The following MACROD2 variants were observed in gnomAD, a reference collection of about 807,000 sequenced individuals.
MACROD2 encodes ADP-ribose glycohydrolase MACROD2.
In MACROD2, 36 loss-of-function variants were observed where a neutral mutation model predicts 70.4. The ratio of observed to expected loss-of-function variants is 0.51; its 90% CI spans 0.39 to 0.68. MACROD2 has a LOEUF of 0.68. Among genes scored for constraint, MACROD2 ranks in the 30% least tolerant of loss-of-function variants. MACROD2 has a pLI of 0.00. For synonymous variants in MACROD2, 172 were observed against 178.8 expected, an observed-to-expected ratio of 0.96 and a Z score of 0.30; for missense variants, 496 against 538.4, an observed-to-expected ratio of 0.92 and a Z score of 0.78.
Position 15,267,610 on chromosome 20 carries a change from A to G in MACROD2, c.540+37549A>G, listed in dbSNP as rs187073798. Among the ~76,000 whole-genome samples the G allele has an allele frequency of 1.9e-3, 295 of 152,314 alleles. 1 individual carries two copies. The highest frequency in any genetic ancestry group is 3.3e-3 in the Non-Finnish European group (224 of 68,020). ...CCAGCCTCTGACTCAACCCCCAGGT[A>G]GAGACCACTATCCTGTCACTCTCCT... On this transcript the variant is annotated intron_variant, in intron 6 of 17. Coordinates refer to ENST00000684519, the MANE Select transcript of MACROD2 (RefSeq NM_001351661.2).
At chr20:15,678,999 G>T (rs1183194897) in intron 8 of MACROD2, among the ~76,000 whole-genome samples, 1 of 152,148 alleles carries the variant, frequency 6.6e-6, no homozygotes, top group African/African-American at 2.4e-5. Context: ...CACTTTGGGA[G>T]GCTGAGGCAG....
intron 4 of MACROD2, among the ~76,000 whole-genome samples, chr20:14,651,440 C>G (rs531175478): frequency 6.6e-6 from 1 of 152,226 alleles, no homozygotes; most frequent in East Asian, 1.9e-4. Context: ...CACATCCTGG[C>G]TTTGACTGGA....
intron 9 of MACROD2, among the ~76,000 whole-genome samples, chr20:15,865,394 A>G (rs914310815): frequency 1.3e-5 from 2 of 152,124 alleles, no homozygotes; most frequent in African/African-American, 4.8e-5. Context: ...TAACATAACA[A>G]TAATGGTTAC....
intron 5 of MACROD2, among the ~76,000 whole-genome samples, chr20:15,109,976 A>C (rs896896374): frequency 6.6e-6 from 1 of 152,186 alleles, no homozygotes; most frequent in Non-Finnish European, 1.5e-5. Context: ...GGAGGGCAGA[A>C]ATAAATTATG....
At chr20:15,517,383 A>T (rs183254900) in intron 8 of MACROD2, among the ~76,000 whole-genome samples, 1 of 152,334 alleles carries the variant, frequency 6.6e-6, no homozygotes, top group Non-Finnish European at 1.5e-5. Context: ...CACACAAAGT[A>T]GACCTGCCCT....
chr20:14,887,283 T>C (rs1211647497), intron 5 of MACROD2, among the ~76,000 whole-genome samples: 2 of 152,034 alleles, frequency 1.3e-5, no homozygotes, highest in Non-Finnish European at 2.9e-5. Context: ...TCAAGAGCGG[T>C]ATAGTGAGTA....
intron 3 of MACROD2, among the ~76,000 whole-genome samples, chr20:14,441,663 G>GA (rs1461974011): frequency 6.6e-6 from 1 of 152,140 alleles, no homozygotes; most frequent in Non-Finnish European, 1.5e-5. Context: ...AGGAGCATCA[G>GA]AAATGACTAC....
At chr20:15,356,946 C>A (rs2078294272) in intron 6 of MACROD2, among the ~76,000 whole-genome samples, 1 of 152,100 alleles carries the variant, frequency 6.6e-6, no homozygotes, top group South Asian at 2.1e-4. Flanking sequence ...AAACTGAATT[C>A]AGAATATAAC....
At chr20:14,475,230 C>T (rs1381696365) in intron 3 of MACROD2, among the ~76,000 whole-genome samples, 2 of 151,996 alleles carry the variant, frequency 1.3e-5, no homozygotes, top group African/African-American at 4.8e-5. Flanking sequence ...AAAAGAATCA[C>T]ACAAAAAACC....
At chr20:14,969,003 T>C (rs780459747) in intron 5 of MACROD2, among the ~76,000 whole-genome samples, 9 of 152,154 alleles carry the variant, frequency 5.9e-5, no homozygotes, top group Non-Finnish European at 1.2e-4. Context: ...ATATGAACTG[T>C]GAGATGACTT....
intron 4 of MACROD2, among the ~76,000 whole-genome samples, chr20:14,578,316 G>T (rs1170350032): frequency 1.3e-5 from 2 of 151,876 alleles, no homozygotes; most frequent in African/African-American, 4.8e-5. Flanking sequence ...CAGTAGTCAG[G>T]TACAAGGAAG....
chr20:15,548,996 T>G (rs1234663680), intron 8 of MACROD2, among the ~76,000 whole-genome samples: 4 of 152,204 alleles, frequency 2.6e-5, no homozygotes, highest in Non-Finnish European at 5.9e-5. Flanking sequence ...CCAGCTGACT[T>G]CTTACTTCAT....
chr20:15,830,041 G>T (rs2064037751), intron 8 of MACROD2, among the ~76,000 whole-genome samples: 1 of 152,196 alleles, frequency 6.6e-6, no homozygotes. Flanking sequence ...CGGAGGACGG[G>T]TTTGAGGGGA....
rs113503976 is a variant in MACROD2, at chr20:15,838,933, C to T, written c.646-23812C>T. Among the ~76,000 whole-genome samples, 1,514 of 152,162 alleles carry T rather than the reference C, an allele frequency of 9.9e-3. 14 individuals carry two copies. The highest frequency in any genetic ancestry group is 0.019 in the African/African-American group (769 of 41,524). ...TGGAAAGCCCAGACAGTTTGGAGGA[C>T]GGCTTTGGGTACTCAACTCATACAT... On this transcript the variant is annotated intron_variant, in intron 8 of 17. Coordinates refer to ENST00000684519, the MANE Select transcript of MACROD2 (RefSeq NM_001351661.2).
intron 3 of MACROD2, among the ~76,000 whole-genome samples, chr20:14,117,854 A>T (rs2054534462): frequency 6.6e-6 from 1 of 152,140 alleles, no homozygotes; most frequent in African/African-American, 2.4e-5. Context: ...GTTCCTCAAG[A>T]TTCTCCATAC....
intron 3 of MACROD2, among the ~76,000 whole-genome samples, chr20:14,158,602 G>A (rs183422544): frequency 6.6e-6 from 1 of 152,124 alleles, no homozygotes; most frequent in Non-Finnish European, 1.5e-5. Flanking sequence ...AAGAGATAGG[G>A]GTCCAGTTTC....
At chr20:14,989,597 C>T (rs1473071547) in intron 5 of MACROD2, among the ~76,000 whole-genome samples, 1 of 152,228 alleles carries the variant, frequency 6.6e-6, no homozygotes, top group East Asian at 1.9e-4. Context: ...ATGAAGATTC[C>T]TGGAACAAGG....
intron 5 of MACROD2, among the ~76,000 whole-genome samples, chr20:14,974,452 A>G (rs2074719774): frequency 6.6e-6 from 1 of 152,158 alleles, no homozygotes; most frequent in African/African-American, 2.4e-5. Flanking sequence ...AGAAGTGTCT[A>G]TTTACAAAGG....
In MACROD2 at chr20:15,021,106, GTGTA is replaced by G. The variant is rs1486370247; in HGVS notation, c.419-208830_419-208827del. Among the ~76,000 whole-genome samples the G allele has an allele frequency of 1.8e-4, 18 of 99,464 alleles. 2 individuals are homozygous for G. The highest frequency in any genetic ancestry group is 2.7e-4 in the Non-Finnish European group (13 of 47,584). 65.3% of individuals were successfully genotyped at this position (99,464 alleles called of 152,430 possible). ...TGTATACACGTGTATGTGTATACAC[GTGTA>G]TGTGTATACACGTGTGTATACACAT... On this transcript the variant is annotated intron_variant, in intron 5 of 17. Transcript: ENST00000684519.
Sources: allele counts gnomAD v4.1 joint callset (sites outside exome capture counted in the v4.1 genomes callset), GRCh38; gene constraint gnomAD v4.1.1; transcripts MANE v1.5; gene names NCBI Gene and HGNC (gene_info 2026-07-23, HGNC 2026-07-21).